Variants in GABBR2 observed in about 807,000 individuals in gnomAD.
The protein encoded by GABBR2 is gamma-aminobutyric acid type B receptor subunit 2.
Under a neutral mutation model 105.6 loss-of-function variants are expected in GABBR2, and 23 were observed. That is an observed-to-expected ratio of 0.22 (90% CI 0.16 to 0.31). GABBR2 has a LOEUF of 0.31. GABBR2 is among the 10% of genes least tolerant of loss of function. GABBR2 has a pLI of 1.00. For missense variants in GABBR2, 734 were observed against 1,245.5 expected (o/e 0.59, Z 6.18); for synonymous variants, 478 against 499.7 (o/e 0.96, Z 0.58).
At chr9:98,582,850 C>G (rs1302741008) in intron 1 of GABBR2, among the ~76,000 whole-genome samples, 2 of 152,072 alleles carry the variant, frequency 1.3e-5, no homozygotes, top group Non-Finnish European at 2.9e-5. Flanking sequence ...TGTGTGAAAT[C>G]CCAACATCTA....
intron 1 of GABBR2, among the ~76,000 whole-genome samples, chr9:98,705,274 T>G (rs1830879566): frequency 6.6e-6 from 1 of 152,254 alleles, no homozygotes. Context: ...TTAGGCTGTT[T>G]CATTTTTACC....
chr9:98,687,863 G>A (rs1830639728), intron 1 of GABBR2, among the ~76,000 whole-genome samples: 1 of 152,224 alleles, frequency 6.6e-6, no homozygotes, highest in African/African-American at 2.4e-5. Context: ...GAAGGAGGGT[G>A]AAGGGGAGGG....
intron 8 of GABBR2, among the ~76,000 whole-genome samples, chr9:98,404,003 C>T (rs1191319237): frequency 6.6e-6 from 1 of 151,682 alleles, no homozygotes; most frequent in East Asian, 1.9e-4. Flanking sequence ...GCTGTACTGC[C>T]TTCCTTATAA....
intron 13 of GABBR2, 131 bp from the exon 14 acceptor site, chr9:98,311,336 C>G (rs1193955220): frequency 3.2e-6 from 2 of 618,786 alleles, no homozygotes; most frequent in African/African-American, 3.7e-5. Flanking sequence ...CATTTGGACC[C>G]CATCTCTGTG....
chr9:98,401,898 G>A (rs1041282461), intron 8 of GABBR2, among the ~76,000 whole-genome samples: 2 of 152,194 alleles, frequency 1.3e-5, no homozygotes, highest in Non-Finnish European at 2.9e-5. Context: ...TTGGTAAAGC[G>A]CCTGGCAGAT....
At position 98,464,554 on chromosome 9, in the gene GABBR2, G is replaced by A. The variant is rs532785406; in HGVS notation, c.999+8592C>T. On this transcript the variant is annotated intron_variant, in intron 6 of 18. Transcript: ENST00000259455. ...GGGGGCGCCTCTGCCCGGCCGCCCT[G>A]TCTGGGAAGTGAGGAGTGCCTCTGC... is the stretch of plus-strand genomic sequence containing the variant. Among the ~76,000 whole-genome samples, 24 of 150,784 alleles carry A rather than the reference G, an allele frequency of 1.6e-4. No individual in the cohort carries two copies. In the South Asian group the frequency reaches 2.6e-3, roughly 16 times the overall value.
rs189020656 is a variant in GABBR2, at chr9:98,369,574, G to A, written c.1770+1890C>T. Among the ~76,000 whole-genome samples, 49 of 152,348 alleles carry A rather than the reference G, an allele frequency of 3.2e-4. No individual in the cohort carries two copies. The East Asian group carries it at 7.3e-3, about 23-fold the overall frequency. ...TCTAACACGGCAGATCAGCAGTGGA[G>A]CAGAGCCTAGAACTCCAGGCTTCTG... On this transcript the variant is annotated intron_variant, in intron 12 of 18. Coordinates refer to ENST00000259455, the MANE Select transcript of GABBR2 (RefSeq NM_005458.8).
intron 1 of GABBR2, chr9:98,607,435 G>A: frequency 1.7e-6 from 1 of 605,052 alleles, no homozygotes; most frequent in African/African-American, 1.9e-5. Context: ...CCAGAGGAAT[G>A]CTAACAGTTT....
chr9:98,399,893 G>T (rs1380639781), intron 8 of GABBR2, among the ~76,000 whole-genome samples: 1 of 151,994 alleles, frequency 6.6e-6, no homozygotes, highest in Non-Finnish European at 1.5e-5. Flanking sequence ...TGGTCAAAGG[G>T]CTGGGTGCGG....
intron 7 of GABBR2, among the ~76,000 whole-genome samples, chr9:98,449,638 T>C (rs866515451): frequency 2.6e-5 from 4 of 152,312 alleles, no homozygotes; most frequent in Middle Eastern, 3.4e-3. Flanking sequence ...TTAAGAATCA[T>C]TGCTCTAATG....
chr9:98,544,743 T>C (rs1449740645), intron 2 of GABBR2, among the ~76,000 whole-genome samples: 1 of 152,224 alleles, frequency 6.6e-6, no homozygotes, highest in Non-Finnish European at 1.5e-5. Context: ...GCCATGTATG[T>C]GCAGACAGAC....
At chr9:98,649,444 C>T (rs1287788302) in intron 1 of GABBR2, among the ~76,000 whole-genome samples, 1 of 152,176 alleles carries the variant, frequency 6.6e-6, no homozygotes, top group African/African-American at 2.4e-5. Flanking sequence ...GCCTTCTCCA[C>T]CACACCCACT....
intron 2 of GABBR2, among the ~76,000 whole-genome samples, chr9:98,545,270 G>A (rs369851672): frequency 3.1e-4 from 47 of 152,264 alleles, no homozygotes; most frequent in African/African-American, 1.1e-3. Context: ...TATGTGCCCC[G>A]GGTCTAAATC....
intron 1 of GABBR2, among the ~76,000 whole-genome samples, chr9:98,700,476 A>C (rs1231451968): frequency 3.9e-5 from 6 of 152,158 alleles, no homozygotes; most frequent in African/African-American, 1.4e-4. Flanking sequence ...GTAATGGATA[A>C]TCTTGGCTCT....
chr9:98,418,172 G>A (rs951910618), intron 7 of GABBR2, among the ~76,000 whole-genome samples: 1 of 152,144 alleles, frequency 6.6e-6, no homozygotes, highest in African/African-American at 2.4e-5. Flanking sequence ...CTGGAAGCAA[G>A]GCAGCCAGTG....
intron 2 of GABBR2, among the ~76,000 whole-genome samples, chr9:98,572,441 A>C (rs1296953320): frequency 1.3e-5 from 2 of 152,200 alleles, no homozygotes; most frequent in African/African-American, 4.8e-5. Flanking sequence ...GGGCCGCCAG[A>C]GCTCCTTTTC....
intron 7 of GABBR2, among the ~76,000 whole-genome samples, chr9:98,422,711 T>C (rs1004429575): frequency 1.3e-5 from 2 of 151,718 alleles, no homozygotes; most frequent in Non-Finnish European, 2.9e-5. Flanking sequence ...GCTGCACCCA[T>C]TAACTCGTCA....
At chr9:98,365,829 A>T (rs1831666124) in intron 12 of GABBR2, among the ~76,000 whole-genome samples, 1 of 114,146 alleles carries the variant, frequency 8.8e-6, no homozygotes, top group Non-Finnish European at 1.7e-5. Flanking sequence ...GGAAAGAAAA[A>T]AAAGAAGCAC....
chr9:98,535,059 C>T (rs1448534264), intron 3 of GABBR2, among the ~76,000 whole-genome samples: 1 of 152,170 alleles, frequency 6.6e-6, no homozygotes, highest in African/African-American at 2.4e-5. Flanking sequence ...ACAGGCTCCT[C>T]ATCCATGGAT....
Sources: allele counts gnomAD v4.1 joint callset (sites outside exome capture counted in the v4.1 genomes callset), GRCh38; gene constraint gnomAD v4.1.1; transcripts MANE v1.5; gene names NCBI Gene and HGNC (gene_info 2026-07-23, HGNC 2026-07-21).